The following ZNF735 variants were observed in gnomAD, a reference collection of about 807,000 sequenced individuals.
ZNF735 encodes putative zinc finger protein 735.
A neutral mutation model predicts 13.4 loss-of-function variants in ZNF735; 11 were observed. The ratio of observed to expected loss-of-function variants is 0.82; its 90% CI spans 0.52 to 1.36. The LOEUF (loss-of-function observed/expected upper bound fraction) is 1.36, where lower values mean the gene tolerates loss of function less well. Ranked by LOEUF, ZNF735 falls within the 40% of genes most tolerant of loss-of-function variation. ZNF735 has a pLI of 0.00. For synonymous variants in ZNF735, 171 were observed against 162.6 expected (o/e 1.05, Z -0.39); for missense variants, 500 against 484.6 (o/e 1.03, Z -0.30).
intron 1 of ZNF735, among the ~76,000 whole-genome samples, chr7:64,211,070 C>G (rs1367846459): frequency 2.0e-5 from 3 of 152,068 alleles, no homozygotes; most frequent in Non-Finnish European, 4.4e-5. Context: ...TACTGTTGAT[C>G]CCTAATGAGT....
exon 4 of ZNF735, chr7:64,219,979 T>C: frequency 6.2e-7 from 1 of 1,613,968 alleles, no homozygotes; most frequent in Non-Finnish European, 8.5e-7. Flanking sequence ...TAGCGTATCC[T>C]CAGCCCTCAT....
chr7:64,212,071 A>G (rs914496134), intron 1 of ZNF735, among the ~76,000 whole-genome samples: 1 of 152,086 alleles, frequency 6.6e-6, no homozygotes, highest in African/African-American at 2.4e-5. Context: ...CATTTTTTCC[A>G]CGATAGAGTT....
chr7:64,215,416 T>G (rs1787408021), intron 3 of ZNF735, among the ~76,000 whole-genome samples: 2 of 149,796 alleles, frequency 1.3e-5, no homozygotes, highest in Admixed American at 6.7e-5. Flanking sequence ...TAGGAGTCGT[T>G]TATATATTTT....
At chr7:64,214,019 C>G in exon 3 of ZNF735, 1 of 1,596,440 alleles carries the variant, frequency 6.3e-7, no homozygotes, top group South Asian at 1.1e-5. Flanking sequence ...ACAGGTATGA[C>G]TGTCTCTAAG....
chr7:64,219,043 T>C (rs998377557), intron 3 of ZNF735, among the ~76,000 whole-genome samples: 8 of 152,166 alleles, frequency 5.3e-5, no homozygotes, highest in Non-Finnish European at 1.0e-4. Context: ...AAGGGCTGTG[T>C]TGGGTAAATG....
chr7:64,219,306 T>C lies in ZNF735; in HGVS notation c.263-8T>C, dbSNP rs1428913576. The C allele has an allele frequency of 6.2e-7, 1 of 1,606,792 alleles. No individual in the cohort carries two copies. The highest frequency in any genetic ancestry group is 1.1e-5 in the South Asian group (1 of 89,566). On this transcript the variant is annotated splice_polypyrimidine_tract_variant and splice_region_variant and intron_variant, in intron 3 of 3. Coordinates refer to ENST00000429565, the Ensembl canonical transcript of ZNF735. ...AGTGGAGTAACTTGTGATTTTTATG[T>C]CTTTCAGTTACATGTTCTCATTTCA... is the stretch of plus-strand genomic sequence containing the variant.
intron 1 of ZNF735, among the ~76,000 whole-genome samples, chr7:64,208,259 T>TTG (rs1787315817): frequency 1.5e-5 from 1 of 64,852 alleles, no homozygotes; most frequent in African/African-American, 6.0e-5. Context: ...TTTTTTTTTT[T>TTG]TTTTTTTTTT....
intron 3 of ZNF735, among the ~76,000 whole-genome samples, chr7:64,217,105 G>A (rs907470029): frequency 2.2e-4 from 34 of 152,162 alleles, no homozygotes; most frequent in Non-Finnish European, 4.0e-4. Context: ...GGCCTAATGA[G>A]AGCTGTTTGC....
chr7:64,207,716 C>T (rs1346063521), intron 1 of ZNF735, among the ~76,000 whole-genome samples: 1 of 152,102 alleles, frequency 6.6e-6, no homozygotes, highest in African/African-American at 2.4e-5. Context: ...GGGCCAGGCG[C>T]GGTGGCTCAC....
At chr7:64,207,727 G>A (rs1353198653) in intron 1 of ZNF735, among the ~76,000 whole-genome samples, 3 of 152,138 alleles carry the variant, frequency 2.0e-5, no homozygotes, top group African/African-American at 2.4e-5. Context: ...GGTGGCTCAC[G>A]CCTGTAATCC....
At chr7:64,216,767 C>T (rs1787426761) in intron 3 of ZNF735, among the ~76,000 whole-genome samples, 1 of 152,078 alleles carries the variant, frequency 6.6e-6, no homozygotes. Flanking sequence ...CGACCATACC[C>T]AGCTAATTCT....
intron 1 of ZNF735, 79 bp downstream of exon 1, chr7:64,207,320 T>G (rs542117285): frequency 2.2e-5 from 36 of 1,613,356 alleles, no homozygotes; most frequent in Non-Finnish European, 2.8e-5. Flanking sequence ...GCAGGACCCA[T>G]ACTTCCTCGC....
chr7:64,218,104 G>A (rs1311298797), intron 3 of ZNF735, among the ~76,000 whole-genome samples: 8 of 152,038 alleles, frequency 5.3e-5, no homozygotes, highest in Non-Finnish European at 1.2e-4. Flanking sequence ...TTTATTTAGG[G>A]CACATGCAGT....
exon 4 of ZNF735, chr7:64,219,732 C>T (rs536977130): frequency 4.6e-5 from 74 of 1,602,408 alleles, no homozygotes; most frequent in African/African-American, 2.1e-4. Context: ...ACTCCTCAAG[C>T]GGTACTACAC....
chr7:64,216,390 A>G (rs1008978863), intron 3 of ZNF735, among the ~76,000 whole-genome samples: 1 of 152,190 alleles, frequency 6.6e-6, no homozygotes, highest in Non-Finnish European at 1.5e-5. Flanking sequence ...TGTGGGATAT[A>G]TTGACATCTT....
rs753518901 is a variant in ZNF735, at chr7:64,213,077, C to CT, written c.40-4dup. ...GTAAGTGTGTGTTCATGAGGTTTTT[C>CT]TTTTTTTTTTTCAGGGACTGTTGAC... is the stretch of plus-strand genomic sequence containing the variant. On this transcript the variant is annotated splice_polypyrimidine_tract_variant and intron_variant, in intron 1 of 3. Coordinates refer to ENST00000429565, the Ensembl canonical transcript of ZNF735. The CT allele has an allele frequency of 0.037, 34,995 of 940,630 alleles. No individual in the cohort carries two copies. The highest frequency in any genetic ancestry group is 0.047 in the South Asian group (2,415 of 50,904). The allele number at this position is 940,630 out of a possible 1,614,324, so 58.3% of individuals were successfully genotyped here. A position where few individuals can be genotyped will look rare whatever the true frequency, so the allele number is the denominator to read the frequency against.
intron 2 of ZNF735, 78 bp downstream of exon 2, chr7:64,213,296 T>A: frequency 7.1e-7 from 1 of 1,410,904 alleles, no homozygotes; most frequent in Non-Finnish European, 9.6e-7. Context: ...AATTTCTGCT[T>A]TGCATGAATG....
rs754397359 is a variant in ZNF735 at position 64,219,933 on chromosome 7, G to C, written c.882G>C (p.Glu294Asp). The change falls in exon 4 of 4, where the codon GAG becomes GAC. Residue 294 changes from glutamate (E) to aspartate (D), a missense_variant. Glu to Asp is a conservative substitution (Grantham distance 45). Transcript: ENST00000429565. ...ACCACAAGAGAATTCATACTGGAGA[G>C]AGACCCTACAAATGTGAAGAATGTG... 3.1e-6 allele frequency: 5 copies of C among 1,613,902 alleles called. No homozygotes were observed. In the South Asian group the frequency reaches 5.5e-5, roughly 18 times the overall value.
chr7:64,210,478 C>A (rs956164240), intron 1 of ZNF735, among the ~76,000 whole-genome samples: 1 of 152,188 alleles, frequency 6.6e-6, no homozygotes, highest in Non-Finnish European at 1.5e-5. Flanking sequence ...TTCCTGGACC[C>A]TTTTGGATCC....
Sources: gnomAD v4.1 joint callset for allele counts (sites outside exome capture counted in the v4.1 genomes callset) on GRCh38, gnomAD v4.1.1 for gene constraint, MANE v1.5 for transcripts, NCBI Gene and HGNC (gene_info 2026-07-23, HGNC 2026-07-21) for gene names.